Variants in LRRC4C observed in about 807,000 individuals in gnomAD.
The protein encoded by LRRC4C is leucine rich repeat containing 4C.
In LRRC4C, 5 loss-of-function variants were observed where a neutral mutation model predicts 33.6. That is an observed-to-expected ratio of 0.15 (90% confidence interval 0.08 to 0.31). LRRC4C has a LOEUF of 0.31. Ranked by LOEUF, LRRC4C falls within the 10% of genes least tolerant of loss-of-function variation. LRRC4C has a pLI of 1.00. For missense variants in LRRC4C, 560 were observed against 796.7 expected, an observed-to-expected ratio of 0.70 and a Z score of 3.58; for synonymous variants, 329 against 302.0, an observed-to-expected ratio of 1.09 and a Z score of -0.93.
chr11:40,458,333 T>C (rs907914527), intron 3 of LRRC4C, among the ~76,000 whole-genome samples: 1 of 152,190 alleles, frequency 6.6e-6, no homozygotes, highest in African/African-American at 2.4e-5. Flanking sequence ...TGCCTATCTA[T>C]ATAAACCCTT....
chr11:41,345,263 G>GAC (rs1450028330), intron 1 of LRRC4C, among the ~76,000 whole-genome samples: 1 of 152,072 alleles, frequency 6.6e-6, no homozygotes, highest in Non-Finnish European at 1.5e-5. Context: ...GACAATTTAT[G>GAC]ACACACACTC....
chr11:41,406,084 A>G (rs1013257099), intron 1 of LRRC4C, among the ~76,000 whole-genome samples: 1 of 140,430 alleles, frequency 7.1e-6, no homozygotes, highest in African/African-American at 2.5e-5. Context: ...AGGGGAGTAA[A>G]AAGGATGAAA....
chr11:40,533,707 G>A (rs2135331730), intron 3 of LRRC4C, among the ~76,000 whole-genome samples: 1 of 152,184 alleles, frequency 6.6e-6, no homozygotes. Flanking sequence ...AATCACATGT[G>A]ATTATTTGGG....
chr11:40,479,758 C>T (rs1953446332), intron 3 of LRRC4C, among the ~76,000 whole-genome samples: 1 of 151,802 alleles, frequency 6.6e-6, no homozygotes, highest in Non-Finnish European at 1.5e-5. Context: ...GCAAGATTTT[C>T]ATTAAAAAAA....
intron 1 of LRRC4C, among the ~76,000 whole-genome samples, chr11:41,148,118 A>T (rs1943813229): frequency 6.6e-6 from 1 of 152,016 alleles, no homozygotes; most frequent in South Asian, 2.1e-4. Flanking sequence ...TCCCAGGTCC[A>T]AACAATCCTG....
chr11:41,153,967 G>A (rs1944112947), intron 1 of LRRC4C, among the ~76,000 whole-genome samples: 1 of 151,996 alleles, frequency 6.6e-6, no homozygotes, highest in Non-Finnish European at 1.5e-5. Flanking sequence ...TTAGGGGGAT[G>A]TGGCCACAAG....
chr11:40,954,354 T>C (rs770888670), intron 1 of LRRC4C, among the ~76,000 whole-genome samples: 4 of 151,816 alleles, frequency 2.6e-5, no homozygotes, highest in Non-Finnish European at 4.4e-5. Context: ...TTAGTGTAAA[T>C]AAAAGACTTG....
chr11:40,669,441 G>C (rs1265640681), intron 2 of LRRC4C, among the ~76,000 whole-genome samples: 1 of 152,168 alleles, frequency 6.6e-6, no homozygotes, highest in Non-Finnish European at 1.5e-5. Flanking sequence ...GGAACCCATA[G>C]ACAGCTGATG....
At position 40,500,331 on chromosome 11, in the gene LRRC4C, C is replaced by T. The variant is rs1024678700; in HGVS notation, c.-270+147811G>A. ...ACACACACACACACACACACACACA[C>T]ACATTATATATATATACACATTATA... On this transcript the variant is annotated intron_variant, in intron 3 of 6. Coordinates refer to ENST00000528697, the MANE Select transcript of LRRC4C (RefSeq NM_001258419.2). Among the ~76,000 whole-genome samples, 10 of 135,114 alleles carry T rather than the reference C, an allele frequency of 7.4e-5. No homozygotes were observed. In the South Asian group the frequency reaches 2.1e-3, roughly 29 times the overall value. The allele number at this position is 135,114 out of a possible 152,430, so 88.6% of individuals were successfully genotyped here. A position where few individuals can be genotyped will look rare whatever the true frequency, so the allele number is the denominator to read the frequency against.
At chr11:40,934,090 G>A (rs1169945211) in intron 1 of LRRC4C, among the ~76,000 whole-genome samples, 1 of 152,110 alleles carries the variant, frequency 6.6e-6, no homozygotes, top group African/African-American at 2.4e-5. Context: ...TGTCAAATGA[G>A]TTTATTCCTT....
chr11:40,496,155 A>G (rs1328213671), intron 3 of LRRC4C, among the ~76,000 whole-genome samples: 1 of 152,100 alleles, frequency 6.6e-6, no homozygotes, highest in Non-Finnish European at 1.5e-5. Flanking sequence ...GACTGCAAGC[A>G]TGAGGTAAAG....
intron 1 of LRRC4C, among the ~76,000 whole-genome samples, chr11:41,381,348 C>T (rs1380196987): frequency 2.0e-5 from 3 of 152,016 alleles, no homozygotes; most frequent in African/African-American, 7.2e-5. Flanking sequence ...GAACAATAGG[C>T]CTGGTGCTGT....
intron 1 of LRRC4C, among the ~76,000 whole-genome samples, chr11:41,071,137 A>C (rs1938645480): frequency 6.6e-6 from 1 of 152,202 alleles, no homozygotes; most frequent in Non-Finnish European, 1.5e-5. Context: ...CATCCTCAGC[A>C]AACTAACAGA....
intron 2 of LRRC4C, among the ~76,000 whole-genome samples, chr11:40,881,262 A>G (rs1182863501): frequency 6.6e-6 from 1 of 152,082 alleles, no homozygotes; most frequent in African/African-American, 2.4e-5. Context: ...TTTCTCTCCA[A>G]TTTTATAATC....
chr11:41,111,816 T>C (rs1004993586), intron 1 of LRRC4C, among the ~76,000 whole-genome samples: 2 of 152,060 alleles, frequency 1.3e-5, no homozygotes, highest in East Asian at 1.9e-4. Context: ...AGCTCATCAA[T>C]ATCCTCATGG....
intron 2 of LRRC4C, among the ~76,000 whole-genome samples, chr11:40,809,357 T>C (rs1951386204): frequency 6.6e-6 from 1 of 152,208 alleles, no homozygotes; most frequent in South Asian, 2.1e-4. Flanking sequence ...GCCCTTTGGA[T>C]TGCATTCTCC....
At chr11:40,331,797 T>C (rs1946375330) in intron 3 of LRRC4C, among the ~76,000 whole-genome samples, 1 of 152,214 alleles carries the variant, frequency 6.6e-6, no homozygotes, top group Non-Finnish European at 1.5e-5. Context: ...CCTGCCATTC[T>C]TCAGACTGGG....
chr11:40,900,322 G>C lies in LRRC4C; in HGVS notation c.-407+33313C>G, dbSNP rs564868924. On this transcript the variant is annotated intron_variant, in intron 2 of 6. Coordinates refer to ENST00000528697, the MANE Select transcript of LRRC4C (RefSeq NM_001258419.2). The stretch of plus-strand genomic sequence containing the variant: ...ATTTCAATCATTTTCTTAATTTATG[G>C]AATAAGATGATCCAGGATCAACTTG... 2.8e-3 allele frequency among the ~76,000 whole-genome samples: 432 copies of C among 152,080 alleles called. 4 individuals carry two copies. Among genetic ancestry groups the C allele is most frequent in the Non-Finnish European group, 5.3e-3 (360 of 67,952 alleles).
At chr11:40,483,608 GGAA>G (rs948618890) in intron 3 of LRRC4C, among the ~76,000 whole-genome samples, 1 of 151,946 alleles carries the variant, frequency 6.6e-6, no homozygotes, top group Non-Finnish European at 1.5e-5. Context: ...GGAAAAAAAT[GGAA>G]GAAGACAAAA....
Sources: allele counts gnomAD v4.1 joint callset (sites outside exome capture counted in the v4.1 genomes callset), GRCh38; gene constraint gnomAD v4.1.1; transcripts MANE v1.5; gene names NCBI Gene and HGNC (gene_info 2026-07-23, HGNC 2026-07-21).